Variants in RSF1 observed in about 807,000 individuals in gnomAD.
RSF1 encodes the protein HBV pX-associated protein 8.
In RSF1, 13 loss-of-function variants were observed where a neutral mutation model predicts 145.2. The observed-to-expected ratio is 0.09, with a 90% CI of 0.06 to 0.14. The LOEUF is 0.14. Among genes scored for constraint, RSF1 ranks in the 10% least tolerant of loss-of-function variants. The pLI is 1.00. For missense variants in RSF1, 1,517 were observed against 1,718.2 expected (o/e 0.88, Z 2.07); for synonymous variants, 577 against 592.6 (o/e 0.97, Z 0.38).
intron 4 of RSF1, among the ~76,000 whole-genome samples, chr11:77,728,901 C>CA (rs1961127669): frequency 6.7e-6 from 1 of 150,132 alleles, no homozygotes; most frequent in Non-Finnish European, 1.5e-5. Context: ...ATATATTTTA[C>CA]AAAAAAGAGA....
the RSF1 span, among the ~76,000 whole-genome samples, chr11:77,861,842 A>G: frequency 5.0e-4 from 76 of 152,030 alleles, no homozygotes; most frequent in Non-Finnish European, 9.9e-4. Context: ...GATCTCTATT[A>G]CAAAAAACCA....
the RSF1 span, among the ~76,000 whole-genome samples, chr11:77,867,385 G>A: frequency 6.6e-6 from 1 of 152,038 alleles, no homozygotes; most frequent in Admixed American, 6.6e-5. Flanking sequence ...TTTCCCACTT[G>A]GGTTTATTCA....
chr11:77,692,038 GT>G (rs1960160884), intron 8 of RSF1, among the ~76,000 whole-genome samples: 2 of 151,972 alleles, frequency 1.3e-5, no homozygotes, highest in South Asian at 4.1e-4. Context: ...TTACAGGCGT[GT>G]GCCACCATGC....
At chr11:77,748,643 C>A (rs1053079937) in intron 2 of RSF1, among the ~76,000 whole-genome samples, 1 of 152,034 alleles carries the variant, frequency 6.6e-6, no homozygotes, top group Non-Finnish European at 1.5e-5. Flanking sequence ...AGACATTTTA[C>A]CACAATGAGA....
chr11:77,735,488 T>A (rs569481915), intron 4 of RSF1, among the ~76,000 whole-genome samples: 2 of 152,258 alleles, frequency 1.3e-5, no homozygotes, highest in African/African-American at 4.8e-5. Flanking sequence ...CCCTAAAGAC[T>A]AGATAACTTT....
intron 10 of RSF1, 81 bp downstream of exon 10, chr11:77,685,019 AACCAC>A: frequency 1.7e-5 from 11 of 649,334 alleles, no homozygotes; most frequent in Non-Finnish European, 2.6e-5. Flanking sequence ...AAATAAATAA[AACCAC>A]TAACATTACA....
intron 1 of RSF1, among the ~76,000 whole-genome samples, chr11:77,798,228 A>C (rs780540141): frequency 6.6e-6 from 1 of 152,154 alleles, no homozygotes; most frequent in Non-Finnish European, 1.5e-5. Flanking sequence ...CTGCAGCATA[A>C]ATCACAATAC....
intron 1 of RSF1, among the ~76,000 whole-genome samples, chr11:77,772,320 C>A (rs1403474534): frequency 6.6e-6 from 1 of 152,028 alleles, no homozygotes; most frequent in African/African-American, 2.4e-5. Flanking sequence ...TAAGTAGGCA[C>A]CACCATATGT....
At chr11:77,832,951 A>ATGTGTGTG in the RSF1 span, among the ~76,000 whole-genome samples, 46 of 68,414 alleles carry the variant, frequency 6.7e-4, no homozygotes, top group Admixed American at 1.2e-3. Flanking sequence ...GTATATATAT[A>ATGTGTGTG]TGTGTGTGTG....
intron 5 of RSF1, among the ~76,000 whole-genome samples, chr11:77,718,663 G>A (rs1345967534): frequency 6.6e-6 from 1 of 152,152 alleles, no homozygotes; most frequent in African/African-American, 2.4e-5. Context: ...AAGATCAGAG[G>A]AACAGAAAAC....
chr11:77,686,521 A>G (rs187879083), intron 9 of RSF1, among the ~76,000 whole-genome samples: 1 of 151,750 alleles, frequency 6.6e-6, no homozygotes, highest in Admixed American at 6.6e-5. Flanking sequence ...ACTGAACTGA[A>G]ATAGTAATCA....
intron 3 of RSF1, among the ~76,000 whole-genome samples, chr11:77,743,748 T>C (rs1378651920): frequency 6.6e-6 from 1 of 152,200 alleles, no homozygotes; most frequent in Non-Finnish European, 1.5e-5. Context: ...CTTCCAGTAC[T>C]ATGTTGAATG....
upstream of RSF1, among the ~76,000 whole-genome samples, chr11:77,825,284 T>C (rs1949118117): frequency 6.7e-6 from 1 of 149,034 alleles, no homozygotes; most frequent in Non-Finnish European, 1.5e-5. Context: ...GCCTGGCTGC[T>C]TTTTTTTTAA....
In RSF1 at chr11:77,777,689, A is replaced by G. The variant is rs1472241845; in HGVS notation, c.188-13000T>C. On this transcript the variant is annotated intron_variant, in intron 1 of 15. Coordinates refer to ENST00000308488, the MANE Select transcript of RSF1 (RefSeq NM_016578.4). ...TGACATTTTTAAAAGAGTTCCACCA[A>G]AAGAACTGAGTTGTGCTGAGTGAGG... 4.6e-5 allele frequency among the ~76,000 whole-genome samples: 7 copies of G among 152,236 alleles called. No homozygotes were observed. The South Asian group carries it at 1.2e-3, about 27-fold the overall frequency.
chr11:77,828,677 A>G, the RSF1 span, among the ~76,000 whole-genome samples: 4 of 152,000 alleles, frequency 2.6e-5, no homozygotes, highest in East Asian at 7.7e-4. Flanking sequence ...CTCGAAAAAA[A>G]AAAAAAAAAG....
At chr11:77,694,651 C>A (rs943627843) in intron 7 of RSF1, among the ~76,000 whole-genome samples, 1 of 152,170 alleles carries the variant, frequency 6.6e-6, no homozygotes, top group African/African-American at 2.4e-5. Flanking sequence ...AACTATGGTA[C>A]ATTTATCAAA....
intron 5 of RSF1, among the ~76,000 whole-genome samples, chr11:77,720,708 C>T (rs1960923490): frequency 1.3e-5 from 2 of 152,070 alleles, no homozygotes; most frequent in African/African-American, 4.8e-5. Flanking sequence ...GAGACAACAT[C>T]TGAGGGAGAG....
At chr11:77,851,557 G>T in the RSF1 span, 1 of 152,138 alleles carries the variant, frequency 6.6e-6, no homozygotes, top group Non-Finnish European at 1.5e-5. Flanking sequence ...AATGTTGGAG[G>T]TGGGGCTTGG....
At chr11:77,848,278 C>T in the RSF1 span, among the ~76,000 whole-genome samples, 1 of 152,192 alleles carries the variant, frequency 6.6e-6, no homozygotes, top group Non-Finnish European at 1.5e-5. Context: ...TTGAGAGATC[C>T]ATTTCCCTTC....
Sources: allele counts gnomAD v4.1 joint callset (sites outside exome capture counted in the v4.1 genomes callset), GRCh38; gene constraint gnomAD v4.1.1; transcripts MANE v1.5; gene names NCBI Gene and HGNC (gene_info 2026-07-23, HGNC 2026-07-21).